The following PARN variants were observed in gnomAD, a reference collection of about 807,000 sequenced individuals.
PARN encodes the protein poly(A)-specific ribonuclease PARN.
In PARN, 71 loss-of-function variants were observed where a neutral mutation model predicts 102.8. The ratio of observed to expected loss-of-function variants is 0.69; its 90% CI spans 0.57 to 0.84. PARN has a LOEUF of 0.84. PARN is among the 40% of genes least tolerant of loss of function. The pLI is 0.00. For missense variants in PARN, 782 were observed against 760.9 expected (o/e 1.03, Z -0.33); for synonymous variants, 261 against 252.9 (o/e 1.03, Z -0.30).
At chr16:14,502,245 C>T (rs886375483) in intron 21 of PARN, among the ~76,000 whole-genome samples, 2 of 152,184 alleles carry the variant, frequency 1.3e-5, no homozygotes, top group Admixed American at 6.6e-5. Flanking sequence ...CTGAACTTTG[C>T]CTTTAGTTAA....
intron 16 of PARN, among the ~76,000 whole-genome samples, chr16:14,583,024 C>T (rs1342640818): frequency 1.3e-5 from 2 of 152,116 alleles, no homozygotes; most frequent in African/African-American, 2.4e-5. Flanking sequence ...GCTTAGAGAT[C>T]GAAAGGTGAC....
intron 22 of PARN, among the ~76,000 whole-genome samples, chr16:14,448,335 G>A (rs1293777584): frequency 1.3e-5 from 2 of 152,196 alleles, no homozygotes; most frequent in East Asian, 3.8e-4. Flanking sequence ...TTTTAGTAGA[G>A]ATGGGGTTTC....
intron 6 of PARN, among the ~76,000 whole-genome samples, chr16:14,614,943 G>A (rs1405136082): frequency 1.3e-5 from 2 of 149,312 alleles, no homozygotes; most frequent in African/African-American, 2.5e-5. Context: ...ACCTAGCACA[G>A]CCTGGCCAGA....
chr16:14,468,910 GATAGATAGATAGATAAA>G (rs1178310961), intron 22 of PARN, among the ~76,000 whole-genome samples: 1 of 128,042 alleles, frequency 7.8e-6, no homozygotes, highest in Non-Finnish European at 1.9e-5. Flanking sequence ...TAGATAGATA[GATAGATAGATAGATAAA>G]ATAAAATAAA....
chr16:14,584,998 G>T (rs1969755324), intron 14 of PARN, among the ~76,000 whole-genome samples: 1 of 152,204 alleles, frequency 6.6e-6, no homozygotes, highest in African/African-American at 2.4e-5. Flanking sequence ...CTGCTACGTT[G>T]GAGTAGGTAC....
intron 22 of PARN, among the ~76,000 whole-genome samples, chr16:14,448,847 T>C: frequency 6.6e-6 from 1 of 152,210 alleles, no homozygotes; most frequent in Non-Finnish European, 1.5e-5. Context: ...ATTTCTATTA[T>C]AGACAGCTTT....
intron 18 of PARN, among the ~76,000 whole-genome samples, chr16:14,561,025 C>T (rs753140852): frequency 4.6e-5 from 7 of 151,968 alleles, no homozygotes; most frequent in Non-Finnish European, 7.4e-5. Context: ...GGTATGGTGG[C>T]GGGTGCCTGT....
chr16:14,529,282 A>G (rs1217752137), intron 21 of PARN, among the ~76,000 whole-genome samples: 3 of 152,340 alleles, frequency 2.0e-5, no homozygotes, highest in South Asian at 2.1e-4. Flanking sequence ...GGAAAGGTAG[A>G]TTGGTTGCCA....
At chr16:14,618,765 G>A (rs1405100494) in intron 5 of PARN, among the ~76,000 whole-genome samples, 1 of 151,934 alleles carries the variant, frequency 6.6e-6, no homozygotes, top group East Asian at 1.9e-4. Context: ...ACTATAAATA[G>A]AACTAGTATG....
chr16:14,511,464 T>C (rs1020869613), intron 21 of PARN, among the ~76,000 whole-genome samples: 1 of 151,902 alleles, frequency 6.6e-6, no homozygotes, highest in Non-Finnish European at 1.5e-5. Context: ...AAAAAATTAC[T>C]TGGGAAGTGT....
chr16:14,585,170 C>G (rs17260976), intron 14 of PARN, among the ~76,000 whole-genome samples: 18,237 of 152,174 alleles, frequency 0.12, 1,341 homozygotes, highest in Non-Finnish European at 0.17. Context: ...ATACTGCTGC[C>G]GGTCTACCAT....
intron 22 of PARN, among the ~76,000 whole-genome samples, chr16:14,481,170 T>C (rs1963360306): frequency 6.6e-6 from 1 of 152,112 alleles, no homozygotes; most frequent in African/African-American, 2.4e-5. Context: ...ACAAAAAAAT[T>C]ATCTTACTGA....
intron 21 of PARN, among the ~76,000 whole-genome samples, chr16:14,547,540 A>G (rs945217146): frequency 6.6e-6 from 1 of 152,216 alleles, no homozygotes; most frequent in East Asian, 1.9e-4. Context: ...CCCCATCTCT[A>G]CAAGAAAATT....
intron 12 of PARN, among the ~76,000 whole-genome samples, chr16:14,597,395 C>A (rs988457833): frequency 1.3e-5 from 2 of 152,124 alleles, no homozygotes; most frequent in Non-Finnish European, 2.9e-5. Context: ...CTTAACCAAG[C>A]GATCAAGATC....
chr16:14,622,014 G>A (rs1312501858), intron 5 of PARN, among the ~76,000 whole-genome samples: 2 of 151,442 alleles, frequency 1.3e-5, no homozygotes, highest in African/African-American at 4.9e-5. Flanking sequence ...CCAACATGGT[G>A]AAACTCTGTC....
chr16:14,597,419 G>C (rs952195216), intron 12 of PARN, among the ~76,000 whole-genome samples: 3 of 152,198 alleles, frequency 2.0e-5, no homozygotes, highest in Non-Finnish European at 4.4e-5. Context: ...ATCACGGGCA[G>C]AGAATGGTGG....
intron 22 of PARN, among the ~76,000 whole-genome samples, chr16:14,451,843 T>TAAAAAA (rs1184998225): frequency 2.2e-4 from 12 of 54,612 alleles, no homozygotes; most frequent in Non-Finnish European, 2.9e-4. Flanking sequence ...ACCCCGTCTC[T>TAAAAAA]AAAAAAAAAA....
chr16:14,485,766 C>T (rs1157757001), intron 21 of PARN, among the ~76,000 whole-genome samples: 1 of 152,118 alleles, frequency 6.6e-6, no homozygotes, highest in Non-Finnish European at 1.5e-5. Flanking sequence ...AGGCTCATTG[C>T]AACCTCCGCC....
intron 21 of PARN, among the ~76,000 whole-genome samples, chr16:14,488,574 C>T (rs1031650590): frequency 3.9e-5 from 6 of 152,176 alleles, no homozygotes; most frequent in Admixed American, 1.3e-4. Flanking sequence ...ATGAGAAGCA[C>T]GGTCACCGCA....
Sources: gnomAD v4.1 joint callset for allele counts (sites outside exome capture counted in the v4.1 genomes callset) on GRCh38, gnomAD v4.1.1 for gene constraint, MANE v1.5 for transcripts, NCBI Gene and HGNC (gene_info 2026-07-23, HGNC 2026-07-21) for gene names.